Variants in MAP2 observed in about 807,000 individuals in gnomAD.
The protein encoded by MAP2 is microtubule associated protein 2.
Under a neutral mutation model 137.6 loss-of-function variants are expected in MAP2, and 14 were observed. That is an observed-to-expected ratio of 0.10 (90% CI 0.07 to 0.16). The LOEUF (loss-of-function observed/expected upper bound fraction) is 0.16, where lower values mean the gene tolerates loss of function less well. MAP2 is among the 10% of genes least tolerant of loss of function. The probability of loss-of-function intolerance (pLI) is 1.00; values close to 1 mark genes in which losing one functional copy is unlikely to be tolerated. For missense variants in MAP2, 2,088 were observed against 2,191.5 expected (o/e 0.95, Z 0.94); for synonymous variants, 786 against 782.3 (o/e 1.00, Z -0.08).
chr2:209,592,639 A>G (rs2079564364), intron 3 of MAP2, among the ~76,000 whole-genome samples: 1 of 152,220 alleles, frequency 6.6e-6, no homozygotes, highest in Non-Finnish European at 1.5e-5. Flanking sequence ...TGTTATTGAT[A>G]CGAAATCTGA....
At chr2:209,724,587 GA>G (rs1245635260) in intron 13 of MAP2, among the ~76,000 whole-genome samples, 2 of 147,354 alleles carry the variant, frequency 1.4e-5, no homozygotes, top group African/African-American at 5.2e-5. Flanking sequence ...GCAGTGAAGA[GA>G]GAGAGAGAGA....
intron 4 of MAP2, among the ~76,000 whole-genome samples, chr2:209,628,889 A>G (rs2092692495): frequency 6.6e-6 from 1 of 152,164 alleles, no homozygotes; most frequent in Non-Finnish European, 1.5e-5. Context: ...ACCATGGAAC[A>G]ATGTAGGTAG....
At chr2:209,723,144 C>T (rs185960557) in intron 13 of MAP2, among the ~76,000 whole-genome samples, 16 of 152,198 alleles carry the variant, frequency 1.1e-4, no homozygotes, top group South Asian at 2.1e-4. Flanking sequence ...GTCAAGTGTA[C>T]GAGGTGATTA....
chr2:209,530,986 T>C (rs1227606278), intron 2 of MAP2, among the ~76,000 whole-genome samples: 1 of 152,198 alleles, frequency 6.6e-6, no homozygotes, highest in African/African-American at 2.4e-5. Flanking sequence ...ATTTAGCTGC[T>C]GATTGAATGA....
At chr2:209,540,366 G>A (rs958261731) in intron 2 of MAP2, among the ~76,000 whole-genome samples, 4 of 151,116 alleles carry the variant, frequency 2.6e-5, no homozygotes, top group East Asian at 3.9e-4. Context: ...GGGCGCGGTC[G>A]CTCACACCTG....
At chr2:209,557,418 GT>G (rs375461696) in intron 2 of MAP2, among the ~76,000 whole-genome samples, 1 of 151,962 alleles carries the variant, frequency 6.6e-6, no homozygotes, top group African/African-American at 2.4e-5. Flanking sequence ...AAAAAATGTG[GT>G]TTTTTTTCCC....
intron 10 of MAP2, among the ~76,000 whole-genome samples, chr2:209,699,609 T>C (rs2061230332): frequency 1.3e-5 from 2 of 152,188 alleles, no homozygotes; most frequent in Admixed American, 6.5e-5. Flanking sequence ...AATAATTTCA[T>C]ACAGGAAGTG....
chr2:209,570,966 A>C (rs288077), intron 2 of MAP2, among the ~76,000 whole-genome samples: 14,909 of 151,788 alleles, frequency 0.098, 1,917 homozygotes, highest in African/African-American at 0.29. Context: ...CTAAAATACA[A>C]ATTTTACTTC....
intron 2 of MAP2, among the ~76,000 whole-genome samples, chr2:209,514,247 C>A (rs1485861399): frequency 6.6e-6 from 1 of 151,916 alleles, no homozygotes; most frequent in Admixed American, 6.6e-5. Flanking sequence ...AAAATAATCA[C>A]CTTTTTCATA....
At chr2:209,621,447 G>A (rs926869682) in intron 3 of MAP2, among the ~76,000 whole-genome samples, 2 of 151,214 alleles carry the variant, frequency 1.3e-5, no homozygotes, top group African/African-American at 2.4e-5. Flanking sequence ...TTAATAGAGA[G>A]GGGGTTTTGC....
At chr2:209,659,369 G>A (rs1468806385) in intron 5 of MAP2, among the ~76,000 whole-genome samples, 2 of 152,078 alleles carry the variant, frequency 1.3e-5, no homozygotes, top group African/African-American at 2.4e-5. Context: ...GTGATTGAAA[G>A]CTGGAAGGGA....
chr2:209,675,117 A>G (rs953580083), intron 5 of MAP2, among the ~76,000 whole-genome samples: 6 of 151,876 alleles, frequency 4.0e-5, no homozygotes, highest in African/African-American at 1.4e-4. Flanking sequence ...ATTATTCTCT[A>G]AAAAGTCTTA....
intron 1 of MAP2, among the ~76,000 whole-genome samples, chr2:209,503,894 TG>T (rs751237228): frequency 6.6e-6 from 1 of 152,122 alleles, no homozygotes; most frequent in Non-Finnish European, 1.5e-5. Context: ...GAATACAGTT[TG>T]TTTTTGAATC....
chr2:209,674,913 T>C (rs2050613338), intron 5 of MAP2, among the ~76,000 whole-genome samples: 2 of 151,790 alleles, frequency 1.3e-5, no homozygotes, highest in Non-Finnish European at 2.9e-5. Flanking sequence ...AGGCTTCCAA[T>C]GAGAGAAGCC....
chr2:209,657,085 A>T (rs1330543032), intron 5 of MAP2, among the ~76,000 whole-genome samples: 1 of 152,136 alleles, frequency 6.6e-6, no homozygotes, highest in Non-Finnish European at 1.5e-5. Flanking sequence ...CGTTCCATCC[A>T]TGTTGCTGCA....
intron 2 of MAP2, among the ~76,000 whole-genome samples, chr2:209,553,481 A>G (rs906564319): frequency 4.6e-5 from 7 of 152,196 alleles, no homozygotes; most frequent in African/African-American, 1.7e-4. Context: ...ACAAGAACAT[A>G]TAAGATAACA....
chr2:209,442,928 C>T (rs1265196649), intron 1 of MAP2, among the ~76,000 whole-genome samples: 1 of 151,486 alleles, frequency 6.6e-6, no homozygotes, highest in Non-Finnish European at 1.5e-5. Flanking sequence ...TTTCACCTTT[C>T]GTCTGAAATA....
At chr2:209,680,663 T>C in intron 6 of MAP2, 87 bp from the exon 7 acceptor site, 1 of 1,198,396 alleles carries the variant, frequency 8.3e-7, no homozygotes. Context: ...TAGAGAGGTC[T>C]TTTTACAAAT....
At chr2:209,672,091 T>C (rs1293589815) in intron 5 of MAP2, among the ~76,000 whole-genome samples, 2 of 151,874 alleles carry the variant, frequency 1.3e-5, no homozygotes, top group African/African-American at 4.8e-5. Flanking sequence ...AGTAGTGTGA[T>C]CAGAAGAGCA....
Sources: gnomAD v4.1 joint callset for allele counts (sites outside exome capture counted in the v4.1 genomes callset) on GRCh38, gnomAD v4.1.1 for gene constraint, MANE v1.5 for transcripts, NCBI Gene and HGNC (gene_info 2026-07-23, HGNC 2026-07-21) for gene names.